The following BMP7 variants were observed in gnomAD, a reference collection of about 807,000 sequenced individuals.
BMP7 encodes the protein bone morphogenetic protein 7, also known as osteogenic protein 1.
Under a neutral mutation model 41.2 loss-of-function variants are expected in BMP7, and 12 were observed. The observed-to-expected ratio is 0.29, with a 90% CI of 0.19 to 0.47. The LOEUF is 0.47. Ranked by LOEUF, BMP7 falls within the 20% of genes least tolerant of loss-of-function variation. The pLI is 0.99. For synonymous variants in BMP7, 248 were observed against 250.0 expected (o/e 0.99, Z 0.07); for missense variants, 467 against 606.0 (o/e 0.77, Z 2.41).
At chr20:57,239,363 T>C (rs1373938164) in intron 1 of BMP7, among the ~76,000 whole-genome samples, 1 of 152,228 alleles carries the variant, frequency 6.6e-6, no homozygotes, top group Non-Finnish European at 1.5e-5. Flanking sequence ...GCCACACTGA[T>C]GCAAGAGGTG....
chr20:57,255,492 G>C (rs777089282), intron 1 of BMP7, among the ~76,000 whole-genome samples: 1 of 152,100 alleles, frequency 6.6e-6, no homozygotes, highest in Non-Finnish European at 1.5e-5. Flanking sequence ...GCAAGATCCT[G>C]CCTGGACTAA....
intron 1 of BMP7, among the ~76,000 whole-genome samples, chr20:57,252,316 C>T (rs903130843): frequency 3.9e-5 from 6 of 152,166 alleles, no homozygotes; most frequent in African/African-American, 7.2e-5. Context: ...GGAGTTGGCC[C>T]GCGGGCTGGG....
intron 1 of BMP7, among the ~76,000 whole-genome samples, chr20:57,247,170 C>CT (rs1163115416): frequency 6.6e-6 from 1 of 152,218 alleles, no homozygotes; most frequent in Non-Finnish European, 1.5e-5. Flanking sequence ...TTGATGCAGC[C>CT]TGGTCTACCC....
rs1202878268 is a variant in BMP7 at position 57,215,451 on chromosome 20, G to A, written c.611+12778C>T. On this transcript the variant is annotated intron_variant, in intron 2 of 6. Coordinates refer to ENST00000395863, the MANE Select transcript of BMP7 (RefSeq NM_001719.3). This position sits in a 1 kb window ranked among gnomAD's most constrained non-coding sequence, Gnocchi z 4.2. ...TGTCCCTCTTTGCTTAAGATATCAG[G>A]GTTTGAGCCCCAGAATTTCTGGAAA... The A allele has an allele frequency of 6.6e-6, 1 of 152,210 alleles. No homozygotes were observed. Among genetic ancestry groups the A allele is most frequent in the Non-Finnish European group, 1.5e-5 (1 of 68,060 alleles). The allele number at this position is 152,210 out of a possible 1,614,324, so 9.4% of individuals were successfully genotyped here. A position where few individuals can be genotyped will look rare whatever the true frequency, so the allele number is the denominator to read the frequency against.
At chr20:57,181,496 TA>T (rs67768281) in intron 4 of BMP7, among the ~76,000 whole-genome samples, 126,939 of 139,644 alleles carry the variant, frequency 0.91, 58,440 homozygotes, top group Non-Finnish European at 0.99. Flanking sequence ...ACCCTGTCTC[TA>T]AAAAAAAAAA....
In BMP7 at chr20:57,228,656, A is replaced by T. The variant is rs558701460; in HGVS notation, c.419-235T>A. 6.6e-6 allele frequency among the ~76,000 whole-genome samples: 1 copy of T among 152,274 alleles called. No individual in the cohort carries two copies. Among genetic ancestry groups the T allele is most frequent in the African/African-American group, 2.4e-5 (1 of 41,566 alleles). ...CGACAAGAGCATGATTCTGCATCCA[A>T]CCTGCTGGGAAAAGTAGGGCACTAA... On this transcript the variant is annotated intron_variant, in intron 1 of 6. Transcript: ENST00000395863. The surrounding 1 kb of genome is among the most constrained non-coding windows in gnomAD (Gnocchi z 4.5).
At chr20:57,236,924 G>T (rs1209604684) in intron 1 of BMP7, among the ~76,000 whole-genome samples, 1 of 152,196 alleles carries the variant, frequency 6.6e-6, no homozygotes, top group Non-Finnish European at 1.5e-5. Context: ...TAAATGGATA[G>T]TAAATAATCA....
Position 57,242,947 on chromosome 20 carries a change from G to A in BMP7, c.419-14526C>T, listed in dbSNP as rs1056020203. 6.6e-5 allele frequency among the ~76,000 whole-genome samples: 10 copies of A among 152,254 alleles called. No homozygotes were observed. The South Asian group carries it at 8.3e-4, about 13-fold the overall frequency. On this transcript the variant is annotated intron_variant, in intron 1 of 6. Transcript: ENST00000395863. ...GAACCCAGGAGGCGGAGGTTGCAGT[G>A]AGCCAAGATGGTGCCACTGCTCTCC...
Position 57,204,038 on chromosome 20 carries a change from T to C in BMP7, c.612-1415A>G, listed in dbSNP as rs528599409. 3.9e-5 allele frequency among the ~76,000 whole-genome samples: 6 copies of C among 152,310 alleles called. No individual in the cohort carries two copies. In the East Asian group the frequency reaches 1.2e-3, roughly 29 times the overall value. On this transcript the variant is annotated intron_variant, in intron 2 of 6. Coordinates refer to ENST00000395863, the MANE Select transcript of BMP7 (RefSeq NM_001719.3). ...AAACTCAGGATCCGAAAGGTCAAGT[T>C]GTGTGCCCAGGGTTATGCCACTAGG...
At chr20:57,233,086 C>A (rs1283643844) in intron 1 of BMP7, among the ~76,000 whole-genome samples, 1 of 152,080 alleles carries the variant, frequency 6.6e-6, no homozygotes, top group African/African-American at 2.4e-5. Context: ...GAAAATATGT[C>A]TTTATACTTT....
In BMP7 at chr20:57,232,852, T is replaced by TACACAC. The variant is rs60368986; in HGVS notation, c.419-4437_419-4432dup. 6.9e-3 allele frequency among the ~76,000 whole-genome samples: 951 copies of TACACAC among 138,110 alleles called. 8 individuals are homozygous for TACACAC. The highest frequency in any genetic ancestry group is 0.014 in the Admixed American group (196 of 13,676). The allele number at this position is 138,110 out of a possible 152,430, so 90.6% of individuals were successfully genotyped here. A position where few individuals can be genotyped will look rare whatever the true frequency, so the allele number is the denominator to read the frequency against. ...TATCAAAGAAAGAACAGTCATGAAG[T>TACACAC]ACACACACACACACACACACACACA... On this transcript the variant is annotated intron_variant, in intron 1 of 6. Transcript: ENST00000395863.
In BMP7 at chr20:57,215,361, C is replaced by T. The variant is rs1341900289; in HGVS notation, c.612-12738G>A. On this transcript the variant is annotated intron_variant, in intron 2 of 6. Transcript: ENST00000395863. This position sits in a 1 kb window ranked among gnomAD's most constrained non-coding sequence, Gnocchi z 4.2. ...ACATCAGGCAAAAATCAAGAGGACT[C>T]AGGTGGGCAGAAAGCAACAGCTGGG... is the stretch of plus-strand genomic sequence containing the variant. 2.6e-5 allele frequency: 4 copies of T among 152,332 alleles called. No homozygotes were observed. Among genetic ancestry groups the T allele is most frequent in the Non-Finnish European group, 5.9e-5 (4 of 68,096 alleles). 9.4% of individuals were successfully genotyped at this position (152,332 alleles called of 1,614,324 possible).
intron 1 of BMP7, among the ~76,000 whole-genome samples, chr20:57,257,121 G>A (rs541148834): frequency 6.6e-6 from 1 of 152,152 alleles, no homozygotes; most frequent in African/African-American, 2.4e-5. Flanking sequence ...AGAACTCCAC[G>A]CCTCCACCCT....
At chr20:57,210,970 G>A (rs191301873) in intron 2 of BMP7, among the ~76,000 whole-genome samples, 18 of 152,302 alleles carry the variant, frequency 1.2e-4, no homozygotes, top group Admixed American at 2.0e-4. Flanking sequence ...AAATGTTCTC[G>A]CCATCACAGC....
chr20:57,196,080 G>A (rs1337943809), intron 3 of BMP7, among the ~76,000 whole-genome samples: 4 of 152,122 alleles, frequency 2.6e-5, no homozygotes, highest in East Asian at 1.9e-4. Flanking sequence ...CTCCTGAGTC[G>A]CGAGTGATTT....
intron 2 of BMP7, among the ~76,000 whole-genome samples, chr20:57,207,234 A>G (rs1056592542): frequency 6.6e-6 from 1 of 152,194 alleles, no homozygotes; most frequent in Admixed American, 6.5e-5. Flanking sequence ...TGCTGAAGGA[A>G]GAGACCACAT....
At chr20:57,226,467 C>T (rs2066006551) in intron 2 of BMP7, among the ~76,000 whole-genome samples, 2 of 152,236 alleles carry the variant, frequency 1.3e-5, no homozygotes, top group African/African-American at 4.8e-5. Context: ...AGCGAGGGTA[C>T]TTGCCCTGCG....
chr20:57,213,122 C>T lies in BMP7; in HGVS notation c.612-10499G>A, dbSNP rs940203959. Among the ~76,000 whole-genome samples the T allele has an allele frequency of 1.3e-5, 2 of 152,220 alleles. No individual in the cohort carries two copies. Among genetic ancestry groups the T allele is most frequent in the African/African-American group, 4.8e-5 (2 of 41,460 alleles). On this transcript the variant is annotated intron_variant, in intron 2 of 6. Transcript: ENST00000395863. This position sits in a 1 kb window ranked among gnomAD's most constrained non-coding sequence, Gnocchi z 4.4. ...CAGACAGAGCTCGGGTGGCCACCCA[C>T]GGCCCTCTCACCCACCCCACGGCTG...
intron 3 of BMP7, among the ~76,000 whole-genome samples, chr20:57,191,112 A>G (rs1471616405): frequency 2.0e-5 from 3 of 152,244 alleles, no homozygotes; most frequent in Non-Finnish European, 4.4e-5. Context: ...TGTAAAGGTG[A>G]GTCATCGCAG....
Sources: allele counts gnomAD v4.1 joint callset (sites outside exome capture counted in the v4.1 genomes callset), GRCh38; gene constraint gnomAD v4.1.1; non-coding constraint Gnocchi (gnomAD v3.1); transcripts MANE v1.5; gene names NCBI Gene and HGNC (gene_info 2026-07-23, HGNC 2026-07-21).